DLGAP2: variants seen among roughly 807,000 people sequenced by gnomAD.
DLGAP2 encodes the protein DLG associated protein 2.
A neutral mutation model predicts 100.3 loss-of-function variants in DLGAP2; 26 were observed. The observed-to-expected ratio is 0.26, with a 90% CI of 0.19 to 0.36. The LOEUF (loss-of-function observed/expected upper bound fraction) is 0.36. Among genes scored for constraint, DLGAP2 ranks in the 10% least tolerant of loss-of-function variants. DLGAP2 has a pLI of 1.00. For missense variants in DLGAP2, 1,858 were observed against 1,453.2 expected, an observed-to-expected ratio of 1.28 and a Z score of -4.53; for synonymous variants, 886 against 630.1, an observed-to-expected ratio of 1.41 and a Z score of -6.08.
At chr8:1,451,265 C>A (rs1335978719) in intron 3 of DLGAP2, among the ~76,000 whole-genome samples, 1 of 152,130 alleles carries the variant, frequency 6.6e-6, no homozygotes, top group Non-Finnish European at 1.5e-5. Flanking sequence ...TCCTACATAA[C>A]TACACCACTA....
At chr8:912,685 C>T (rs972809084) in intron 2 of DLGAP2, among the ~76,000 whole-genome samples, 1 of 149,550 alleles carries the variant, frequency 6.7e-6, no homozygotes, top group Non-Finnish European at 1.5e-5. Context: ...TGGAGCTGAC[C>T]CCCGCACCGT....
intron 3 of DLGAP2, among the ~76,000 whole-genome samples, chr8:1,282,162 C>T (rs1183467669): frequency 4.1e-5 from 6 of 146,904 alleles, no homozygotes; most frequent in East Asian, 2.0e-4. Flanking sequence ...ACCATCCAGA[C>T]GTGGTGTGAC....
chr8:905,240 G>A (rs940511515), intron 1 of DLGAP2, among the ~76,000 whole-genome samples: 10 of 152,112 alleles, frequency 6.6e-5, no homozygotes, highest in African/African-American at 1.4e-4. Flanking sequence ...GGGACCATCC[G>A]ACGAGATCCC....
intron 4 of DLGAP2, among the ~76,000 whole-genome samples, chr8:1,520,991 G>T (rs368390246): frequency 6.6e-6 from 1 of 152,208 alleles, no homozygotes. Flanking sequence ...GAGTTCCTGA[G>T]GCTCCGCGTC....
At chr8:1,160,854 T>C (rs1279414243) in intron 2 of DLGAP2, among the ~76,000 whole-genome samples, 1 of 152,198 alleles carries the variant, frequency 6.6e-6, no homozygotes, top group African/African-American at 2.4e-5. Context: ...AGTTTGACTG[T>C]TTTTGTTGTT....
At chr8:1,024,223 C>A (rs1563150421) in intron 2 of DLGAP2, among the ~76,000 whole-genome samples, 1 of 147,580 alleles carries the variant, frequency 6.8e-6, no homozygotes, top group Non-Finnish European at 1.5e-5. Context: ...ACACCACCCA[C>A]CCTCCCTGGA....
Position 1,590,312 on chromosome 8 carries a change from A to G in DLGAP2, c.1442+24418A>G, listed in dbSNP as rs938950216. On this transcript the variant is annotated intron_variant, in intron 6 of 14. Coordinates refer to ENST00000637795, the MANE Select transcript of DLGAP2 (RefSeq NM_001346810.2). Reference sequence around the variant, plus strand: ...CACAGTTCAGGCCGTACCAGAAGCAATCGCGTCGCCAGGATAATGAAGTAT... The same window carrying G: ...CACAGTTCAGGCCGTACCAGAAGCAGTCGCGTCGCCAGGATAATGAAGTAT... 5.3e-5 allele frequency among the ~76,000 whole-genome samples: 8 copies of G among 152,334 alleles called. No homozygotes were observed. The East Asian group carries it at 1.4e-3, about 26-fold the overall frequency.
At chr8:1,665,516 C>T (rs1798520936) in intron 8 of DLGAP2, among the ~76,000 whole-genome samples, 1 of 148,844 alleles carries the variant, frequency 6.7e-6, no homozygotes, top group Non-Finnish European at 1.5e-5. Flanking sequence ...TTCTGCTCAT[C>T]TCAAACTTGC....
At chr8:769,717 C>G (rs565982237) in intron 1 of DLGAP2, among the ~76,000 whole-genome samples, 11 of 152,282 alleles carry the variant, frequency 7.2e-5, no homozygotes, top group African/African-American at 1.9e-4. Context: ...ACACTCATTT[C>G]TACTCCCCTT....
intron 2 of DLGAP2, among the ~76,000 whole-genome samples, chr8:1,252,692 C>A (rs537627332): frequency 6.6e-6 from 1 of 152,208 alleles, no homozygotes; most frequent in African/African-American, 2.4e-5. Flanking sequence ...GCGAGGCCGC[C>A]GGGTGTCATG....
chr8:1,324,622 G>C (rs1399587159), intron 3 of DLGAP2, among the ~76,000 whole-genome samples: 5 of 152,186 alleles, frequency 3.3e-5, no homozygotes, highest in Non-Finnish European at 4.4e-5. Flanking sequence ...GTAAGGACAA[G>C]TGTTATCCTC....
At position 1,564,622 on chromosome 8, in the gene DLGAP2, G is replaced by A. The variant is rs370400723; in HGVS notation, c.1231-1061G>A. On this transcript the variant is annotated intron_variant, in intron 5 of 14. Coordinates refer to ENST00000637795, the MANE Select transcript of DLGAP2 (RefSeq NM_001346810.2). The stretch of plus-strand genomic sequence containing the variant: ...TAGGTGCTCACCTCTGTGCCAGGCA[G>A]ATGTATAACATGCACAGTTGCTCAG... 3.3e-4 allele frequency among the ~76,000 whole-genome samples: 50 copies of A among 152,350 alleles called. No individual in the cohort carries two copies. The South Asian group carries it at 0.01, about 31-fold the overall frequency.
intron 2 of DLGAP2, among the ~76,000 whole-genome samples, chr8:1,201,596 AG>A (rs1369236802): frequency 6.6e-6 from 1 of 152,218 alleles, no homozygotes; most frequent in Non-Finnish European, 1.5e-5. Context: ...CCGGCACGGC[AG>A]GGGTAGACAC....
At chr8:1,089,347 T>C (rs565566967) in intron 2 of DLGAP2, among the ~76,000 whole-genome samples, 83 of 152,338 alleles carry the variant, frequency 5.4e-4, no homozygotes, top group African/African-American at 2.0e-3. Flanking sequence ...TGTCTTACTT[T>C]CCCTTTTGAC....
chr8:1,460,378 A>G (rs144067931), intron 3 of DLGAP2, among the ~76,000 whole-genome samples: 671 of 152,340 alleles, frequency 4.4e-3, no homozygotes, highest in Non-Finnish European at 6.3e-3. Context: ...AGTAAATTCA[A>G]TGTGTCAGAT....
At chr8:1,423,415 A>G (rs1164797961) in intron 3 of DLGAP2, among the ~76,000 whole-genome samples, 2 of 152,110 alleles carry the variant, frequency 1.3e-5, no homozygotes, top group African/African-American at 4.8e-5. Context: ...TTCCCACCAC[A>G]TCCCATAGCC....
chr8:1,290,020 A>G (rs960315779), intron 3 of DLGAP2, among the ~76,000 whole-genome samples: 2 of 152,238 alleles, frequency 1.3e-5, no homozygotes, highest in African/African-American at 4.8e-5. Context: ...CTATGCACCA[A>G]GAAGAAAACT....
chr8:1,664,551 C>A (rs949530090), intron 8 of DLGAP2, among the ~76,000 whole-genome samples: 6 of 152,204 alleles, frequency 3.9e-5, no homozygotes, highest in Admixed American at 1.3e-4. Context: ...GTTGTATCCA[C>A]CAGTGAAGCT....
intron 3 of DLGAP2, among the ~76,000 whole-genome samples, chr8:1,427,141 A>C (rs999999104): frequency 6.6e-6 from 1 of 152,226 alleles, no homozygotes; most frequent in Non-Finnish European, 1.5e-5. Context: ...CAGGAGCATA[A>C]TAAGTATGAA....
Sources: gnomAD v4.1 joint callset for allele counts (sites outside exome capture counted in the v4.1 genomes callset) on GRCh38, gnomAD v4.1.1 for gene constraint, MANE v1.5 for transcripts, NCBI Gene and HGNC (gene_info 2026-07-23, HGNC 2026-07-21) for gene names.